GPR89A: variants seen among roughly 807,000 people sequenced by gnomAD.
The protein encoded by GPR89A is golgi pH regulator A.
In GPR89A, 16 loss-of-function variants were observed where a neutral mutation model predicts 52.0. The ratio of observed to expected loss-of-function variants is 0.31; its 90% CI spans 0.21 to 0.47. The LOEUF is 0.47. GPR89A is among the 20% of genes least tolerant of loss of function. The pLI is 1.00. For missense variants in GPR89A, 135 were observed against 449.4 expected (o/e 0.30, Z 6.33); for synonymous variants, 55 against 150.9 (o/e 0.36, Z 4.66).
chr1:145,647,922 A>C (rs2101810933), intron 10 of GPR89A, among the ~76,000 whole-genome samples: 2 of 122,074 alleles, frequency 1.6e-5, no homozygotes, highest in South Asian at 2.7e-4. Flanking sequence ...GAATGTGAAC[A>C]TTTCTTATTT....
intron 5 of GPR89A, among the ~76,000 whole-genome samples, chr1:145,627,956 TTTA>T (rs1649627480): frequency 6.7e-6 from 1 of 150,314 alleles, no homozygotes; most frequent in Admixed American, 6.6e-5. Flanking sequence ...GTGTATAGAT[TTTA>T]TTGTTAGGGT....
chr1:145,608,669 G>C (rs1446766089), intron 1 of GPR89A: 1 of 1,037,624 alleles, frequency 9.6e-7, no homozygotes, highest in African/African-American at 1.7e-5. Context: ...CAAAGTATCA[G>C]TATAAGGTAA....
At position 145,616,088 on chromosome 1, in the gene GPR89A, A is replaced by C. The variant is rs1389925697; in HGVS notation, c.43-146A>C. Reference sequence around the variant, plus strand: ...TATTTCCAATGTCATGAGCTTTAATAATAGGTCTTATAAGAGTGGATCTTA... The same window carrying C: ...TATTTCCAATGTCATGAGCTTTAATCATAGGTCTTATAAGAGTGGATCTTA... On this transcript the variant is annotated intron_variant, in intron 1 of 13. Transcript: ENST00000313835. 4 of 631,770 alleles carry C rather than the reference A, an allele frequency of 6.3e-6. No individual in the cohort carries two copies. The African/African-American group carries it at 7.7e-5, about 12-fold the overall frequency. The allele number at this position is 631,770 out of a possible 1,614,324, so 39.1% of individuals were successfully genotyped here. A position where few individuals can be genotyped will look rare whatever the true frequency, so the allele number is the denominator to read the frequency against.
At chr1:145,613,921 G>C (rs1486121251) in intron 1 of GPR89A, among the ~76,000 whole-genome samples, 1 of 151,928 alleles carries the variant, frequency 6.6e-6, no homozygotes, top group African/African-American at 2.4e-5. Context: ...CCATAAGCTG[G>C]AACTACAGGC....
intron 2 of GPR89A, among the ~76,000 whole-genome samples, chr1:145,617,952 A>G (rs1648839568): frequency 6.6e-6 from 1 of 151,340 alleles, no homozygotes; most frequent in Non-Finnish European, 1.5e-5. Flanking sequence ...GGAAGGTTCC[A>G]GAACTGATCC....
At chr1:145,638,976 A>T (rs1461668827) in intron 7 of GPR89A, among the ~76,000 whole-genome samples, 1 of 149,674 alleles carries the variant, frequency 6.7e-6, no homozygotes, top group African/African-American at 2.5e-5. Flanking sequence ...CAATTTTTTT[A>T]AATCAATTGT....
chr1:145,664,466 A>G, intron 11 of GPR89A, among the ~76,000 whole-genome samples: 1 of 152,002 alleles, frequency 6.6e-6, no homozygotes, highest in East Asian at 1.9e-4. Flanking sequence ...CCTGGGCAAC[A>G]TGGTGAAAAC....
intron 5 of GPR89A, among the ~76,000 whole-genome samples, chr1:145,624,587 A>G (rs1296368236): frequency 6.6e-6 from 1 of 151,214 alleles, no homozygotes; most frequent in Admixed American, 6.6e-5. Flanking sequence ...AGAAAACAGA[A>G]TCTACTGTAA....
chr1:145,660,017 T>C (rs1652087484), intron 10 of GPR89A, among the ~76,000 whole-genome samples: 1 of 151,978 alleles, frequency 6.6e-6, no homozygotes, highest in Admixed American at 6.6e-5. Flanking sequence ...CTAGGTATTT[T>C]ATTCTCTTTG....
At chr1:145,640,261 T>TA (rs1650559906) in intron 7 of GPR89A, among the ~76,000 whole-genome samples, 1 of 5,496 alleles carries the variant, frequency 1.8e-4, no homozygotes, top group African/African-American at 8.0e-4. Context: ...TGTAAAACTA[T>TA]AAAACTTTCA....
At chr1:145,619,704 C>T (rs1648985927) in intron 3 of GPR89A, among the ~76,000 whole-genome samples, 1 of 151,942 alleles carries the variant, frequency 6.6e-6, no homozygotes, top group Non-Finnish European at 1.5e-5. Flanking sequence ...TCTGATTCTC[C>T]TGCTTTTAAA....
chr1:145,653,099 T>A, intron 10 of GPR89A, among the ~76,000 whole-genome samples: 1 of 150,840 alleles, frequency 6.6e-6, no homozygotes, highest in Non-Finnish European at 1.5e-5. Flanking sequence ...TCTAGCTTTT[T>A]GATATGAGCA....
chr1:145,656,383 C>T (rs1414248197), intron 10 of GPR89A, among the ~76,000 whole-genome samples: 2 of 152,014 alleles, frequency 1.3e-5, no homozygotes, highest in East Asian at 1.9e-4. Flanking sequence ...AATCACTCAT[C>T]GCCTTCCTTG....
chr1:145,627,642 A>G (rs1649599084), intron 5 of GPR89A, among the ~76,000 whole-genome samples: 1 of 152,236 alleles, frequency 6.6e-6, no homozygotes, highest in African/African-American at 2.4e-5. Flanking sequence ...CCCCCCTGAA[A>G]TTGATAGTCT....
At chr1:145,659,760 T>C (rs1357161083) in intron 10 of GPR89A, among the ~76,000 whole-genome samples, 2 of 130,460 alleles carry the variant, frequency 1.5e-5, no homozygotes, top group Non-Finnish European at 3.2e-5. Flanking sequence ...ATGTGGGCTT[T>C]TTTTGGTTCC....
In GPR89A at chr1:145,648,380, T is replaced by C. The variant is rs1489515476; in HGVS notation, c.909+1113T>C. Among the ~76,000 whole-genome samples, 4 of 151,714 alleles carry C rather than the reference T, an allele frequency of 2.6e-5. No individual in the cohort carries two copies. In the East Asian group the frequency reaches 5.8e-4, roughly 22 times the overall value. On this transcript the variant is annotated intron_variant, in intron 10 of 13. Transcript: ENST00000313835. ...TGTCAATAATACTCAGATGACATTT[T>C]AAAATCTGGATTCATTCAGTGGGAG...
intron 8 of GPR89A, chr1:145,645,334 G>A (rs1436188115): frequency 3.0e-6 from 1 of 332,352 alleles, no homozygotes; most frequent in Non-Finnish European, 5.9e-6. Flanking sequence ...CAGAGAGGAG[G>A]GAGGATTTAG....
intron 10 of GPR89A, among the ~76,000 whole-genome samples, chr1:145,649,256 C>A (rs1318992794): frequency 6.6e-6 from 1 of 151,834 alleles, no homozygotes; most frequent in Admixed American, 6.6e-5. Flanking sequence ...TCCATCACTG[C>A]CATGAGATTC....
chr1:145,608,160 C>T lies in GPR89A; in HGVS notation c.27C>T (p.Ile9=). ...TGAGTTTCCTCATCGACTCCAGCAT[C>T]ATGATTACCTCCCAGGTGAGTCACC... MSFLIDSS[I]MITSQILFFG... is the part of the protein sequence containing the mutation. Residue 9 remains isoleucine, a synonymous_variant, in exon 1 of 14, where the codon ATC becomes ATT. Coordinates refer to ENST00000313835, the MANE Select transcript of GPR89A (RefSeq NM_001097612.2). 3.1e-6 allele frequency: 5 copies of T among 1,613,810 alleles called. No individual in the cohort carries two copies. Among genetic ancestry groups the T allele is most frequent in the Non-Finnish European group, 4.2e-6 (5 of 1,179,836 alleles).
Sources: allele counts gnomAD v4.1 joint callset (sites outside exome capture counted in the v4.1 genomes callset), GRCh38; gene constraint gnomAD v4.1.1; transcripts MANE v1.5; gene names NCBI Gene and HGNC (gene_info 2026-07-23, HGNC 2026-07-21).